ZNF410: variants seen among roughly 807,000 people sequenced by gnomAD.
ZNF410 encodes the protein zinc finger protein 410, also known as another partner for ARF 1.
ZNF410 carries 18 observed loss-of-function variants against 54.8 expected under a neutral mutation model. That is an observed-to-expected ratio of 0.33 (90% CI 0.23 to 0.49). The LOEUF is 0.49. Ranked by LOEUF, ZNF410 falls within the 20% of genes least tolerant of loss-of-function variation. The probability of loss-of-function intolerance (pLI) is 0.99; values close to 1 mark genes in which losing one functional copy is unlikely to be tolerated. For missense variants in ZNF410, 405 were observed against 569.6 expected, an observed-to-expected ratio of 0.71 and a Z score of 2.94; for synonymous variants, 191 against 207.3, an observed-to-expected ratio of 0.92 and a Z score of 0.68.
chr14:73,894,758 G>T (rs1402406211), intron 3 of ZNF410, among the ~76,000 whole-genome samples: 2 of 152,060 alleles, frequency 1.3e-5, no homozygotes, highest in Non-Finnish European at 2.9e-5. Context: ...GTCTCTCCTG[G>T]TACGAGAAGG....
chr14:73,901,471 A>G (rs2055405434), intron 5 of ZNF410, among the ~76,000 whole-genome samples: 1 of 150,634 alleles, frequency 6.6e-6, no homozygotes, highest in South Asian at 2.1e-4. Context: ...TTGACCATAT[A>G]TTGATAATCT....
At chr14:73,919,045 G>C (rs1476507316) in intron 8 of ZNF410, among the ~76,000 whole-genome samples, 1 of 101,980 alleles carries the variant, frequency 9.8e-6, no homozygotes, top group Non-Finnish European at 1.8e-5. Context: ...TCTCACTCTG[G>C]CTCAGGCTAG....
intron 8 of ZNF410, among the ~76,000 whole-genome samples, chr14:73,911,996 C>T (rs1003429843): frequency 6.6e-6 from 1 of 152,004 alleles, no homozygotes; most frequent in African/African-American, 2.4e-5. Context: ...TGTAAGTAAG[C>T]TCTAAAAGCT....
intron 7 of ZNF410, 59 bp downstream of exon 7, chr14:73,905,142 T>G: frequency 1.3e-6 from 2 of 1,554,822 alleles, no homozygotes; most frequent in Non-Finnish European, 8.7e-7. Flanking sequence ...CATGTTTGCC[T>G]CTCCTTAGGA....
Position 73,908,374 on chromosome 14 carries a change from A to T in ZNF410, c.914-967A>T, listed in dbSNP as rs529981291. The stretch of plus-strand genomic sequence containing the variant: ...AACATTTGATCTTGTTATTACTAAA[A>T]TTTTTTTTTTACATTTGTTCTGTTA... On this transcript the variant is annotated intron_variant, in intron 7 of 11. Coordinates refer to ENST00000555044, the MANE Select transcript of ZNF410 (RefSeq NM_021188.3). 1.1e-4 allele frequency among the ~76,000 whole-genome samples: 17 copies of T among 150,436 alleles called. No homozygotes were observed. The South Asian group carries it at 3.4e-3, about 30-fold the overall frequency.
intron 7 of ZNF410, among the ~76,000 whole-genome samples, chr14:73,905,818 G>A (rs1315330225): frequency 6.6e-6 from 1 of 150,844 alleles, no homozygotes; most frequent in East Asian, 1.9e-4. Flanking sequence ...AAATTAAAAG[G>A]CATATATATG....
intron 8 of ZNF410, among the ~76,000 whole-genome samples, chr14:73,910,047 G>C (rs891030686): frequency 1.3e-5 from 2 of 152,140 alleles, no homozygotes; most frequent in Non-Finnish European, 2.9e-5. Context: ...CTCTCAACCA[G>C]AAGTCAGGTA....
intron 5 of ZNF410, chr14:73,898,616 T>A: frequency 3.1e-6 from 1 of 321,954 alleles, no homozygotes; most frequent in Non-Finnish European, 5.4e-6. Context: ...TATACCATCA[T>A]GAAATCAAAA....
intron 11 of ZNF410, among the ~76,000 whole-genome samples, chr14:73,929,132 C>G (rs1410878687): frequency 6.6e-6 from 1 of 152,228 alleles, no homozygotes; most frequent in African/African-American, 2.4e-5. Flanking sequence ...AACATACCCT[C>G]TGTCTGAGCC....
At chr14:73,915,721 T>A (rs1433358387) in intron 8 of ZNF410, 1 of 152,176 alleles carries the variant, frequency 6.6e-6, no homozygotes, top group African/African-American at 2.4e-5. Flanking sequence ...CTCTTCCTAG[T>A]ATGTTGAGAA....
chr14:73,916,377 G>A (rs1225157587), intron 8 of ZNF410: 2 of 152,114 alleles, frequency 1.3e-5, no homozygotes. Context: ...TAGAGATGGG[G>A]TTTTGCCTTG....
At chr14:73,916,959 A>G (rs2055676895) in intron 8 of ZNF410, among the ~76,000 whole-genome samples, 1 of 132,796 alleles carries the variant, frequency 7.5e-6, no homozygotes, top group East Asian at 1.9e-4. Flanking sequence ...CAGCCTGGGA[A>G]ACAGAGCGAG....
intron 5 of ZNF410, among the ~76,000 whole-genome samples, chr14:73,900,144 G>C (rs2055383225): frequency 6.7e-6 from 1 of 150,338 alleles, no homozygotes; most frequent in African/African-American, 2.4e-5. Context: ...AGTGAGTGGA[G>C]ATCGCACCAC....
chr14:73,931,633 A>C lies in ZNF410; in HGVS notation c.*92A>C. Reference sequence around the variant, plus strand: ...TGCCTTAGCCCACAACAGAACCAGAATGAATCTTTGAAGGCACAAGACTCT... The same window carrying C: ...TGCCTTAGCCCACAACAGAACCAGACTGAATCTTTGAAGGCACAAGACTCT... On this transcript the variant is annotated 3_prime_UTR_variant, in exon 12 of 12. Transcript: ENST00000555044. 8.2e-7 allele frequency: 1 copy of C among 1,221,306 alleles called. No individual in the cohort carries two copies. Among genetic ancestry groups the C allele is most frequent in the Non-Finnish European group, 1.2e-6 (1 of 840,598 alleles). 75.7% of individuals were successfully genotyped at this position (1,221,306 alleles called of 1,614,324 possible). A position where few individuals can be genotyped will look rare whatever the true frequency, so the allele number is the denominator to read the frequency against.
In ZNF410 at chr14:73,921,062, C is replaced by T. The variant is rs2055747425; in HGVS notation, c.1086C>T (p.His362=). 1.2e-6 allele frequency: 2 copies of T among 1,614,088 alleles called. No homozygotes were observed. Among genetic ancestry groups the T allele is most frequent in the East Asian group, 2.2e-5 (1 of 44,882 alleles). Residue 362 remains histidine, a synonymous_variant, in exon 9 of 12, where the codon CAC becomes CAT. Coordinates refer to ENST00000555044, the MANE Select transcript of ZNF410 (RefSeq NM_021188.3). ...GSRNVHMRKH[H]LQLGAAGSQE... ...GGAATGTGCATATGAGAAAGCATCA[C>T]CTGCAGCTGGGAGCAGCTGGGAGTC... is the stretch of plus-strand genomic sequence containing the variant.
chr14:73,912,475 ACCTTTTGATTTCATTC>A (rs1450112354), intron 8 of ZNF410, among the ~76,000 whole-genome samples: 3 of 151,994 alleles, frequency 2.0e-5, no homozygotes, highest in Admixed American at 6.6e-5. Flanking sequence ...CCAACCTTTC[ACCTTTTGATTTCATTC>A]CTAAATGATA....
chr14:73,932,386 A>G lies in ZNF410; in HGVS notation c.*845A>G, dbSNP rs1032357794. ...TTACCCTTAGGATTCCATACCAGTA[A>G]AACTGAACCGAGGAGTCTTAGGAAA... is the stretch of plus-strand genomic sequence containing the variant. On this transcript the variant is annotated 3_prime_UTR_variant, in exon 12 of 12. Coordinates refer to ENST00000555044, the MANE Select transcript of ZNF410 (RefSeq NM_021188.3). The G allele has an allele frequency of 2.3e-6, 1 of 436,506 alleles. No homozygotes were observed. Among genetic ancestry groups the G allele is most frequent in the Non-Finnish European group, 4.5e-6 (1 of 221,876 alleles). The allele number at this position is 436,506 out of a possible 1,614,324, so 27.0% of individuals were successfully genotyped here. A position where few individuals can be genotyped will look rare whatever the true frequency, so the allele number is the denominator to read the frequency against.
At chr14:73,905,954 C>CACACACACACACAT (rs1555353403) in intron 7 of ZNF410, among the ~76,000 whole-genome samples, 23 of 20,662 alleles carry the variant, frequency 1.1e-3, no homozygotes, top group African/African-American at 2.1e-3. Flanking sequence ...TACACACACA[C>CACACACACACACAT]ACACACACAC....
chr14:73,913,188 C>T (rs2140314473), intron 8 of ZNF410: 1 of 152,274 alleles, frequency 6.6e-6, no homozygotes, highest in African/African-American at 2.4e-5. Flanking sequence ...CTCAGCCTCC[C>T]CAGTAGCTGG....
Sources: allele counts gnomAD v4.1 joint callset (sites outside exome capture counted in the v4.1 genomes callset), GRCh38; gene constraint gnomAD v4.1.1; transcripts MANE v1.5; gene names NCBI Gene and HGNC (gene_info 2026-07-23, HGNC 2026-07-21).